TCF12: variants seen among roughly 807,000 people sequenced by gnomAD.
The protein encoded by TCF12 is DNA-binding protein HTF4.
Under a neutral mutation model 86.0 loss-of-function variants are expected in TCF12, and 45 were observed. The ratio of observed to expected loss-of-function variants is 0.52; its 90% confidence interval spans 0.41 to 0.67. The LOEUF (loss-of-function observed/expected upper bound fraction) is 0.67. TCF12 is among the 30% of genes least tolerant of loss of function. TCF12 has a pLI of 0.00. For missense variants in TCF12, 881 were observed against 859.9 expected (o/e 1.02, Z -0.31); for synonymous variants, 330 against 299.6 (o/e 1.10, Z -1.05).
In TCF12 at chr15:57,282,520, C is replaced by T; in HGVS notation, c.2054C>T (p.Pro685Leu). The T allele has an allele frequency of 6.2e-6, 10 of 1,614,128 alleles. No homozygotes were observed. The highest frequency in any genetic ancestry group is 4.5e-5 in the East Asian group (2 of 44,896). ...AAAGTTTCTGCCGTATCGGCAGAGC[C>T]GCCAACCACACTGCCAGGAACCCAT... The part of the protein sequence containing the change: ...EEKVSAVSAE[P>L]PTTLPGTHPG... Residue 685 changes from proline to leucine, a missense_variant, in exon 20 of 21, where the codon CCG becomes CTG. Physicochemically the swap from Pro to Leu is moderately conservative, Grantham distance 98 (BLOSUM62 -3). Transcript: ENST00000333725.
intron 4 of TCF12, among the ~76,000 whole-genome samples, chr15:57,079,966 C>G (rs2070484487): frequency 6.6e-6 from 1 of 152,106 alleles, no homozygotes; most frequent in Non-Finnish European, 1.5e-5. Context: ...ACTTAAAGAT[C>G]ATTCTAAAAA....
chr15:57,208,033 C>CT (rs201258233), intron 8 of TCF12, among the ~76,000 whole-genome samples: 54,633 of 137,132 alleles, frequency 0.4, 12,619 homozygotes, highest in Non-Finnish European at 0.54. Context: ...CTTCAAGATT[C>CT]TTTTTTTTTT....
intron 3 of TCF12, among the ~76,000 whole-genome samples, chr15:56,954,625 T>C (rs1413681828): frequency 6.6e-6 from 1 of 152,074 alleles, no homozygotes; most frequent in Non-Finnish European, 1.5e-5. Flanking sequence ...ACCATCAGAG[T>C]GAACAGGCAG....
chr15:57,012,020 T>TAG (rs1363475111), intron 3 of TCF12, among the ~76,000 whole-genome samples: 3 of 152,188 alleles, frequency 2.0e-5, no homozygotes, highest in Non-Finnish European at 2.9e-5. Context: ...CTCTGAATCA[T>TAG]TTATAAGTGT....
intron 5 of TCF12, among the ~76,000 whole-genome samples, chr15:57,158,802 G>A (rs2054299453): frequency 6.6e-6 from 1 of 152,188 alleles, no homozygotes. Flanking sequence ...AGCTGTGTGA[G>A]TAATTTGGCA....
intron 8 of TCF12, among the ~76,000 whole-genome samples, chr15:57,208,469 A>G (rs1597328593): frequency 7.9e-6 from 1 of 125,814 alleles, no homozygotes; most frequent in African/African-American, 3.2e-5. Flanking sequence ...TGCAACCTCC[A>G]CCTCCTGGGC....
chr15:57,011,342 C>T (rs1342212938), intron 3 of TCF12, among the ~76,000 whole-genome samples: 2 of 151,860 alleles, frequency 1.3e-5, no homozygotes, highest in African/African-American at 4.8e-5. Context: ...CAGGGATCCA[C>T]CCCCTCTTGT....
At chr15:57,050,038 T>C (rs1218050015) in intron 3 of TCF12, among the ~76,000 whole-genome samples, 2 of 152,294 alleles carry the variant, frequency 1.3e-5, no homozygotes, top group East Asian at 3.9e-4. Context: ...TACAGTCTTA[T>C]CACAGTTTAC....
chr15:57,231,341 C>A (rs2059130535), intron 9 of TCF12, 84 bp downstream of exon 9: 3 of 1,110,528 alleles, frequency 2.7e-6, no homozygotes, highest in South Asian at 2.7e-5. Context: ...AAAGAGAATA[C>A]CTATATTCAG....
chr15:57,098,009 CAAAAAAAAAAAAAA>C (rs72046243), intron 5 of TCF12, among the ~76,000 whole-genome samples: 6 of 48,410 alleles, frequency 1.2e-4, no homozygotes, highest in African/African-American at 4.7e-4. Context: ...TACAAAAATA[CAAAAAAAAAAAAAA>C]AAAAAAAAAA....
At chr15:57,186,237 G>T (rs1299281775) in intron 6 of TCF12, among the ~76,000 whole-genome samples, 1 of 152,202 alleles carries the variant, frequency 6.6e-6, no homozygotes, top group African/African-American at 2.4e-5. Flanking sequence ...AGTGGCTCAT[G>T]CCTGTAATCC....
At chr15:57,168,436 A>G (rs1252569705) in intron 6 of TCF12, among the ~76,000 whole-genome samples, 2 of 152,236 alleles carry the variant, frequency 1.3e-5, no homozygotes, top group African/African-American at 4.8e-5. Flanking sequence ...GCCAACCAAG[A>G]TACACAATTT....
chr15:57,267,314 G>A (rs1247515286), intron 18 of TCF12, among the ~76,000 whole-genome samples: 1 of 152,108 alleles, frequency 6.6e-6, no homozygotes, highest in Admixed American at 6.6e-5. Flanking sequence ...TGGGAAAAAG[G>A]AAATCTTAAG....
intron 5 of TCF12, among the ~76,000 whole-genome samples, chr15:57,104,861 G>GTTTTTTTTTTTTTTTT (rs11336613): frequency 2.8e-5 from 2 of 71,480 alleles, no homozygotes; most frequent in African/African-American, 5.5e-5. Context: ...CTTTGGTGGT[G>GTTTTTTTTTTTTTTTT]TTTTTTTTTT....
At chr15:57,132,015 G>GT (rs2052164688) in intron 5 of TCF12, among the ~76,000 whole-genome samples, 1 of 152,108 alleles carries the variant, frequency 6.6e-6, no homozygotes, top group African/African-American at 2.4e-5. Context: ...GCCTGGCATG[G>GT]TGGCATGTAC....
chr15:57,061,341 C>T (rs1306506616), intron 3 of TCF12, among the ~76,000 whole-genome samples: 1 of 152,048 alleles, frequency 6.6e-6, no homozygotes, highest in African/African-American at 2.4e-5. Context: ...ACCTGTGATC[C>T]CAGCACTTTA....
chr15:57,206,721 G>A (rs975123930), intron 8 of TCF12, among the ~76,000 whole-genome samples: 3 of 151,042 alleles, frequency 2.0e-5, no homozygotes, highest in Non-Finnish European at 2.9e-5. Context: ...TTGAACCCAG[G>A]AGGTGGAGAG....
chr15:56,943,068 C>T (rs2060848823), intron 3 of TCF12, among the ~76,000 whole-genome samples: 1 of 152,148 alleles, frequency 6.6e-6, no homozygotes, highest in Admixed American at 6.5e-5. Context: ...ACCTTATTCC[C>T]ACTCCTTGGC....
At chr15:57,189,541 TA>T (rs2056870892) in intron 6 of TCF12, among the ~76,000 whole-genome samples, 1 of 152,276 alleles carries the variant, frequency 6.6e-6, no homozygotes, top group Middle Eastern at 3.4e-3. Flanking sequence ...GCAAATGAGA[TA>T]CCACTTTGCC....
Sources: gnomAD v4.1 joint callset for allele counts (sites outside exome capture counted in the v4.1 genomes callset) on GRCh38, gnomAD v4.1.1 for gene constraint, MANE v1.5 for transcripts, NCBI Gene and HGNC (gene_info 2026-07-23, HGNC 2026-07-21) for gene names.